The following AKT3 variants were observed in gnomAD, a reference collection of about 807,000 sequenced individuals.
AKT3 encodes AKT serine/threonine kinase 3.
AKT3 carries 15 observed loss-of-function variants against 65.3 expected under a neutral mutation model. That is an observed-to-expected ratio of 0.23 (90% CI 0.15 to 0.35). The LOEUF is 0.35. AKT3 is among the 10% of genes least tolerant of loss of function. The pLI, the probability that AKT3 is intolerant of heterozygous loss-of-function variation, is 1.00. For synonymous variants in AKT3, 206 were observed against 183.8 expected, an observed-to-expected ratio of 1.12 and a Z score of -0.98; for missense variants, 243 against 576.5, an observed-to-expected ratio of 0.42 and a Z score of 5.92.
chr1:243,592,062 A>G (rs1229588011), intron 8 of AKT3, among the ~76,000 whole-genome samples: 2 of 152,160 alleles, frequency 1.3e-5, no homozygotes, highest in Non-Finnish European at 2.9e-5. Context: ...CTGGCCAGGC[A>G]CGGTAGCTCA....
At chr1:243,592,103 A>G (rs1009739604) in intron 8 of AKT3, among the ~76,000 whole-genome samples, 1 of 152,186 alleles carries the variant, frequency 6.6e-6, no homozygotes, top group African/African-American at 2.4e-5. Context: ...TGGGAGGCCA[A>G]GCTGGGCGGA....
chr1:243,539,728 T>C (rs1259114908), intron 12 of AKT3, among the ~76,000 whole-genome samples: 1 of 152,094 alleles, frequency 6.6e-6, no homozygotes, highest in Non-Finnish European at 1.5e-5. Flanking sequence ...ATCAACACAC[T>C]TACAAATAAC....
chr1:243,844,222 A>G (rs929654842), intron 1 of AKT3, among the ~76,000 whole-genome samples: 1 of 152,192 alleles, frequency 6.6e-6, no homozygotes. Flanking sequence ...ATTCCATTTC[A>G]CAGACAAGGA....
intron 12 of AKT3, among the ~76,000 whole-genome samples, chr1:243,528,848 G>T (rs2148407812): frequency 6.6e-6 from 1 of 152,290 alleles, no homozygotes; most frequent in Non-Finnish European, 1.5e-5. Flanking sequence ...GAGTCAAATG[G>T]TAATTCTGCT....
chr1:243,619,110 C>T (rs1678551021), intron 6 of AKT3, among the ~76,000 whole-genome samples: 1 of 152,146 alleles, frequency 6.6e-6, no homozygotes, highest in Non-Finnish European at 1.5e-5. Flanking sequence ...AATCAAGACA[C>T]ATTCCGTCTA....
Position 243,711,212 on chromosome 1 carries a change from G to A in AKT3, c.47-15496C>T, listed in dbSNP as rs370164305. ...CACGTGCCTGTAGTCCCAGCTACTC[G>A]GGAGGCTGAGGCAGGAGAATCGCTT... On this transcript the variant is annotated intron_variant, in intron 2 of 13. Coordinates refer to ENST00000673466, the MANE Select transcript of AKT3 (RefSeq NM_005465.7). Among the ~76,000 whole-genome samples, 8 of 152,162 alleles carry A rather than the reference G, an allele frequency of 5.3e-5. No individual in the cohort carries two copies. The East Asian group carries it at 7.7e-4, about 15-fold the overall frequency.
chr1:243,494,633 C>A (rs73120374), intron 13 of AKT3, among the ~76,000 whole-genome samples: 3 of 152,206 alleles, frequency 2.0e-5, no homozygotes, highest in African/African-American at 7.2e-5. Flanking sequence ...ACTTGCTCTT[C>A]CGTTAACAGT....
intron 13 of AKT3, among the ~76,000 whole-genome samples, chr1:243,493,409 A>G (rs953984514): frequency 1.3e-5 from 2 of 152,188 alleles, no homozygotes; most frequent in Non-Finnish European, 2.9e-5. Flanking sequence ...CATCTGGGAC[A>G]GGGGAAAACA....
chr1:243,508,956 A>G (rs554526723), intron 13 of AKT3, among the ~76,000 whole-genome samples: 1 of 152,064 alleles, frequency 6.6e-6, no homozygotes, highest in East Asian at 1.9e-4. Context: ...ACAGGTGTGC[A>G]CCACTGCGCC....
chr1:243,616,304 T>C (rs1678305002), intron 6 of AKT3, among the ~76,000 whole-genome samples: 1 of 82,004 alleles, frequency 1.2e-5, no homozygotes, highest in Non-Finnish European at 2.3e-5. Context: ...AATGTGCTTT[T>C]CTTAAAAAAA....
upstream of AKT3, among the ~76,000 whole-genome samples, chr1:243,850,539 C>T (rs1165825957): frequency 1.3e-5 from 2 of 151,516 alleles, no homozygotes; most frequent in African/African-American, 2.4e-5. Flanking sequence ...AGGGGACCCC[C>T]CGCCGCCTCC....
At chr1:243,729,730 T>C (rs1299617620) in intron 2 of AKT3, among the ~76,000 whole-genome samples, 2 of 152,158 alleles carry the variant, frequency 1.3e-5, no homozygotes, top group Non-Finnish European at 1.5e-5. Context: ...ATTTTAAAAA[T>C]AAAAATATGT....
At chr1:243,795,139 T>A in intron 2 of AKT3, among the ~76,000 whole-genome samples, 1 of 141,408 alleles carries the variant, frequency 7.1e-6, no homozygotes, top group Non-Finnish European at 1.6e-5. Flanking sequence ...CTATGTCTAC[T>A]TTTTTTTTTT....
chr1:243,614,950 T>G, intron 7 of AKT3, 146 bp downstream of exon 7: 1 of 629,376 alleles, frequency 1.6e-6, no homozygotes, highest in African/African-American at 1.8e-5. Context: ...TACATTCTAA[T>G]AAGTTATAAG....
chr1:243,772,899 A>C (rs1279175538), intron 2 of AKT3, among the ~76,000 whole-genome samples: 1 of 152,010 alleles, frequency 6.6e-6, no homozygotes, highest in Non-Finnish European at 1.5e-5. Flanking sequence ...GACATGGATG[A>C]AGCTGGAAAC....
intron 2 of AKT3, among the ~76,000 whole-genome samples, chr1:243,794,803 T>C (rs576173237): frequency 1.3e-5 from 2 of 152,308 alleles, no homozygotes; most frequent in South Asian, 4.1e-4. Flanking sequence ...GCAAAGCACA[T>C]CATTAATTAA....
At chr1:243,713,331 G>C (rs1054526883) in intron 2 of AKT3, among the ~76,000 whole-genome samples, 1 of 152,148 alleles carries the variant, frequency 6.6e-6, no homozygotes, top group African/African-American at 2.4e-5. Flanking sequence ...ATGAATAAGG[G>C]AGAGAAGAGG....
chr1:243,730,137 GTT>G (rs1687458175), intron 2 of AKT3, among the ~76,000 whole-genome samples: 1 of 152,114 alleles, frequency 6.6e-6, no homozygotes, highest in African/African-American at 2.4e-5. Flanking sequence ...ATGAAATGGT[GTT>G]TTTTCCAGGT....
rs552596760 is a variant in AKT3 at position 243,805,646 on chromosome 1, T to G, written c.46+37479A>C. Reference sequence around the variant, plus strand: ...TGGCCCCTTTAATTTCATTTCCTCATGCACACCGCTGTATGTGGCGTTATT... The same window carrying G: ...TGGCCCCTTTAATTTCATTTCCTCAGGCACACCGCTGTATGTGGCGTTATT... On this transcript the variant is annotated intron_variant, in intron 2 of 13. Transcript: ENST00000673466. 2.6e-5 allele frequency among the ~76,000 whole-genome samples: 4 copies of G among 152,302 alleles called. No homozygotes were observed. In the South Asian group the frequency reaches 8.3e-4, roughly 32 times the overall value.
Sources: allele counts gnomAD v4.1 joint callset (sites outside exome capture counted in the v4.1 genomes callset), GRCh38; gene constraint gnomAD v4.1.1; transcripts MANE v1.5; gene names NCBI Gene and HGNC (gene_info 2026-07-23, HGNC 2026-07-21).